The following BCL7B variants were observed in gnomAD, a reference collection of about 807,000 sequenced individuals.
BCL7B encodes B-cell CLL/lymphoma 7 protein family member B.
In BCL7B, 11 loss-of-function variants were observed where a neutral mutation model predicts 26.5. That is an observed-to-expected ratio of 0.42 (90% CI 0.26 to 0.69). The LOEUF (loss-of-function observed/expected upper bound fraction) is 0.69. Among genes scored for constraint, BCL7B ranks in the 30% least tolerant of loss-of-function variants. The pLI is 0.28. For missense variants in BCL7B, 215 were observed against 264.4 expected, an observed-to-expected ratio of 0.81 and a Z score of 1.30; for synonymous variants, 111 against 107.9, an observed-to-expected ratio of 1.03 and a Z score of -0.18.
chr7:73,548,010 C>T (rs782144854), intron 2 of BCL7B, among the ~76,000 whole-genome samples: 1 of 152,102 alleles, frequency 6.6e-6, no homozygotes, highest in Non-Finnish European at 1.5e-5. Context: ...GTTTCAGCTA[C>T]TGGGAGGCTA....
intron 2 of BCL7B, among the ~76,000 whole-genome samples, chr7:73,548,952 AAAAAAACTCC>A (rs1792058954): frequency 6.6e-6 from 1 of 152,142 alleles, no homozygotes; most frequent in Non-Finnish European, 1.5e-5. Flanking sequence ...CAAACAAACA[AAAAAAACTCC>A]AAAAAACAAA....
At chr7:73,548,659 A>C (rs1201735356) in intron 2 of BCL7B, among the ~76,000 whole-genome samples, 1 of 152,042 alleles carries the variant, frequency 6.6e-6, no homozygotes, top group Non-Finnish European at 1.5e-5. Context: ...GGCCGGGCAC[A>C]GTGGCTCACG....
rs1421709543 is a variant in BCL7B at position 73,536,582 on chromosome 7, G to T, written c.*716C>A. On this transcript the variant is annotated 3_prime_UTR_variant, in exon 6 of 6. Transcript: ENST00000223368. ...TGTCAGAACCTCAAATTCTTGCTGG[G>T]GCAGTTTGTGACAAGAGGCAGGGAT... 2 of 152,410 alleles carry T rather than the reference G, an allele frequency of 1.3e-5. No homozygotes were observed. Among genetic ancestry groups the T allele is most frequent in the Non-Finnish European group, 2.9e-5 (2 of 68,120 alleles). The allele number at this position is 152,410 out of a possible 1,614,324, so 9.4% of individuals were successfully genotyped here. A position where few individuals can be genotyped will look rare whatever the true frequency, so the allele number is the denominator to read the frequency against.
At chr7:73,550,166 A>G (rs1016153531) in intron 2 of BCL7B, among the ~76,000 whole-genome samples, 1 of 152,240 alleles carries the variant, frequency 6.6e-6, no homozygotes, top group African/African-American at 2.4e-5. Flanking sequence ...TATGTAGATA[A>G]AGGTACTCAC....
At chr7:73,550,644 G>T (rs1425623035) in intron 2 of BCL7B, among the ~76,000 whole-genome samples, 28 of 148,492 alleles carry the variant, frequency 1.9e-4, no homozygotes, top group East Asian at 2.0e-4. Context: ...TTTTTTTTTT[G>T]TTTTTTTTTT....
intron 4 of BCL7B, among the ~76,000 whole-genome samples, chr7:73,539,427 T>C (rs1352632453): frequency 6.6e-6 from 1 of 152,044 alleles, no homozygotes; most frequent in Admixed American, 6.6e-5. Flanking sequence ...AAATTTTTTA[T>C]GTTTTTAGTA....
In BCL7B at chr7:73,553,174, G is replaced by A. The variant is rs554911890; in HGVS notation, c.93-932C>T. On this transcript the variant is annotated intron_variant, in intron 1 of 5. Transcript: ENST00000223368. ...TTGCCCGCGCTGGTCTTGAACTCTT[G>A]GTCTCAAGCAGTCTGCCCACCTTGG... is the stretch of plus-strand genomic sequence containing the variant. 2.6e-3 allele frequency among the ~76,000 whole-genome samples: 394 copies of A among 151,948 alleles called. 2 individuals are homozygous for A. The highest frequency in any genetic ancestry group is 9.1e-3 in the African/African-American group (378 of 41,446).
intron 1 of BCL7B, among the ~76,000 whole-genome samples, chr7:73,556,532 T>C (rs1327631969): frequency 5.3e-5 from 8 of 152,172 alleles, no homozygotes; most frequent in Admixed American, 5.2e-4. Context: ...GCTGACGAAG[T>C]TGGCTGTGAA....
intron 1 of BCL7B, chr7:73,557,223 C>G: frequency 9.4e-7 from 1 of 1,066,942 alleles, no homozygotes; most frequent in Non-Finnish European, 1.1e-6. Context: ...CCAGTCCGGG[C>G]CGGAAGCCGG....
chr7:73,556,366 G>A (rs555028949), intron 1 of BCL7B, among the ~76,000 whole-genome samples: 25 of 152,212 alleles, frequency 1.6e-4, no homozygotes, highest in African/African-American at 5.8e-4. Flanking sequence ...TGTAGAGACG[G>A]GGTCTCACTA....
intron 2 of BCL7B, among the ~76,000 whole-genome samples, chr7:73,551,183 T>C (rs1255606141): frequency 6.6e-6 from 1 of 152,208 alleles, no homozygotes; most frequent in African/African-American, 2.4e-5. Context: ...ATGATAAATA[T>C]TTTAGGTTTT....
At chr7:73,541,687 G>C (rs1480639820) in intron 3 of BCL7B, among the ~76,000 whole-genome samples, 2 of 151,808 alleles carry the variant, frequency 1.3e-5, no homozygotes, top group African/African-American at 4.8e-5. Context: ...GGCTGGTCTC[G>C]AACTCCTGAC....
At chr7:73,554,400 C>T (rs1344451330) in intron 1 of BCL7B, among the ~76,000 whole-genome samples, 1 of 152,012 alleles carries the variant, frequency 6.6e-6, no homozygotes, top group East Asian at 1.9e-4. Flanking sequence ...TGCTTTGTCA[C>T]AGATCTGAGC....
At chr7:73,557,154 G>T (rs1408031696) in intron 1 of BCL7B, 2 of 1,011,726 alleles carry the variant, frequency 2.0e-6, no homozygotes, top group Non-Finnish European at 2.4e-6. Flanking sequence ...CCACTGCCCA[G>T]GAAGAGGGGA....
chr7:73,542,671 G>GCAGTAT (rs772302220), intron 3 of BCL7B, among the ~76,000 whole-genome samples: 7 of 152,174 alleles, frequency 4.6e-5, no homozygotes, highest in Admixed American at 2.0e-4. Flanking sequence ...GGTGTAAAAG[G>GCAGTAT]CAGTATCATG....
At chr7:73,550,786 T>C (rs1792135876) in intron 2 of BCL7B, among the ~76,000 whole-genome samples, 1 of 151,258 alleles carries the variant, frequency 6.6e-6, no homozygotes, top group Non-Finnish European at 1.5e-5. Flanking sequence ...GCCTCCCGAG[T>C]AGCTGGGACT....
In BCL7B at chr7:73,543,616, G is replaced by A; in HGVS notation, c.197C>T (p.Ala66Val). The change falls in exon 3 of 6, where the codon GCA (alanine) becomes GTA (valine). Residue 66 changes from alanine to valine, a missense_variant. Transcript: ENST00000223368. ...AGGAAAGCCATTAGGTTCTCGGGCT[G>A]CTGAACTGTTCGATTTTGACTTTTC... Reference protein sequence around the residue: ...EKEKSKSNSSAAREPNGFPSD... With the variant: ...EKEKSKSNSSVAREPNGFPSD... 1.2e-6 allele frequency: 2 copies of A among 1,613,790 alleles called. No homozygotes were observed. The highest frequency in any genetic ancestry group is 1.7e-6 in the Non-Finnish European group (2 of 1,179,880).
Position 73,536,574 on chromosome 7 carries a change from CT to C in BCL7B, c.*723del, listed in dbSNP as rs1554582126. On this transcript the variant is annotated 3_prime_UTR_variant, in exon 6 of 6. Transcript: ENST00000223368. ...GGTACTGTTGTCAGAACCTCAAATT[CT>C]TGCTGGGGCAGTTTGTGACAAGAGG... 6.6e-6 allele frequency: 1 copy of C among 152,366 alleles called. No individual in the cohort carries two copies. The highest frequency in any genetic ancestry group is 1.5e-5 in the Non-Finnish European group (1 of 68,096). The allele number at this position is 152,366 out of a possible 1,614,324, so 9.4% of individuals were successfully genotyped here.
intron 2 of BCL7B, among the ~76,000 whole-genome samples, chr7:73,550,900 G>A (rs376156952): frequency 4.0e-5 from 6 of 151,788 alleles, no homozygotes; most frequent in Admixed American, 6.6e-5. Context: ...CTCGTGATCC[G>A]CCCGTCTCGG....
Sources: gnomAD v4.1 joint callset for allele counts (sites outside exome capture counted in the v4.1 genomes callset) on GRCh38, gnomAD v4.1.1 for gene constraint, MANE v1.5 for transcripts, NCBI Gene and HGNC (gene_info 2026-07-23, HGNC 2026-07-21) for gene names.